The following CHL1 variants were observed in gnomAD, a reference collection of about 807,000 sequenced individuals.
CHL1 encodes neural cell adhesion molecule L1-like protein.
Under a neutral mutation model 141.9 loss-of-function variants are expected in CHL1, and 96 were observed. The observed-to-expected ratio is 0.68, with a 90% confidence interval of 0.57 to 0.80. The LOEUF is 0.80. Among genes scored for constraint, CHL1 ranks in the 30% least tolerant of loss-of-function variants. The probability of loss-of-function intolerance (pLI) is 0.00; values close to 1 mark genes in which losing one functional copy is unlikely to be tolerated. For synonymous variants in CHL1, 613 were observed against 502.2 expected, an observed-to-expected ratio of 1.22 and a Z score of -2.95; for missense variants, 1,820 against 1,457.2, an observed-to-expected ratio of 1.25 and a Z score of -4.05.
chr3:201,289 A>G (rs1575589673), intron 1 of CHL1, among the ~76,000 whole-genome samples: 1 of 152,214 alleles, frequency 6.6e-6, no homozygotes, highest in African/African-American at 2.4e-5. Flanking sequence ...AATAGACCAT[A>G]ACTAATTGAG....
intron 15 of CHL1, among the ~76,000 whole-genome samples, chr3:372,249 G>A (rs1047611581): frequency 1.3e-5 from 2 of 152,118 alleles, no homozygotes; most frequent in African/African-American, 4.8e-5. Flanking sequence ...ACTCCAACCA[G>A]TTGCAGGTTC....
chr3:252,402 T>TATATATATATATA (rs1553596197), intron 2 of CHL1, among the ~76,000 whole-genome samples: 2 of 54,170 alleles, frequency 3.7e-5, no homozygotes, highest in African/African-American at 6.5e-5. Flanking sequence ...ATATATATAT[T>TATATATATATATA]TCTATTTTGG....
intron 1 of CHL1, among the ~76,000 whole-genome samples, chr3:198,297 G>A (rs1363992873): frequency 6.6e-6 from 1 of 152,016 alleles, no homozygotes; most frequent in Non-Finnish European, 1.5e-5. Context: ...CGTGGGAGCC[G>A]CGGAGCAGCC....
chr3:401,786 A>G, intron 27 of CHL1, 88 bp downstream of exon 27: 1 of 749,930 alleles, frequency 1.3e-6, no homozygotes. Flanking sequence ...TCTTAATAAA[A>G]AGGTTACATA....
chr3:268,184 A>T (rs1452147033), intron 2 of CHL1, among the ~76,000 whole-genome samples: 3 of 152,358 alleles, frequency 2.0e-5, no homozygotes, highest in Non-Finnish European at 2.9e-5. Flanking sequence ...GGGTAAAATA[A>T]TTTGGAATAA....
intron 16 of CHL1, among the ~76,000 whole-genome samples, chr3:380,912 A>C (rs976299372): frequency 2.0e-5 from 3 of 152,224 alleles, no homozygotes; most frequent in Non-Finnish European, 4.4e-5. Flanking sequence ...TGCAAAGCTT[A>C]ATAAAATATG....
intron 6 of CHL1, 36 bp downstream of exon 6, chr3:340,952 A>G (rs1410717441): frequency 1.9e-6 from 3 of 1,580,698 alleles, no homozygotes; most frequent in African/African-American, 2.7e-5. Context: ...AAAGGGGGAC[A>G]TTTTAATTCT....
intron 2 of CHL1, among the ~76,000 whole-genome samples, chr3:289,302 C>T (rs1228583272): frequency 6.6e-6 from 1 of 152,162 alleles, no homozygotes; most frequent in East Asian, 1.9e-4. Context: ...TGTGCTCAAA[C>T]TTACCGATAA....
intron 2 of CHL1, chr3:247,321 A>G (rs546005182): frequency 6.6e-6 from 1 of 151,972 alleles, no homozygotes; most frequent in Non-Finnish European, 1.5e-5. Context: ...CACAAATGCA[A>G]TTTGCTTGAC....
intron 1 of CHL1, among the ~76,000 whole-genome samples, chr3:236,326 C>T (rs1012305515): frequency 6.6e-6 from 1 of 152,142 alleles, no homozygotes; most frequent in Non-Finnish European, 1.5e-5. Context: ...GTGCTACATG[C>T]TGGAGCTGGA....
chr3:296,497 G>C (rs138102166), intron 2 of CHL1, among the ~76,000 whole-genome samples: 1 of 151,842 alleles, frequency 6.6e-6, no homozygotes, highest in Non-Finnish European at 1.5e-5. Flanking sequence ...CATGAATTTA[G>C]AACCACGGTC....
At chr3:206,863 C>A (rs1699485561) in intron 1 of CHL1, among the ~76,000 whole-genome samples, 1 of 152,172 alleles carries the variant, frequency 6.6e-6, no homozygotes, top group Non-Finnish European at 1.5e-5. Context: ...CATGGATTTC[C>A]CTCACTTCTG....
At chr3:360,678 G>A (rs1200773269) in intron 12 of CHL1, among the ~76,000 whole-genome samples, 1 of 149,542 alleles carries the variant, frequency 6.7e-6, no homozygotes, top group Non-Finnish European at 1.5e-5. Flanking sequence ...CCATGCTGGT[G>A]CGCTGCACCC....
intron 2 of CHL1, among the ~76,000 whole-genome samples, chr3:261,228 A>G (rs532784890): frequency 1.3e-5 from 2 of 152,228 alleles, no homozygotes; most frequent in Admixed American, 6.5e-5. Context: ...GTTTAGCATC[A>G]TGTTTACTAA....
intron 2 of CHL1, among the ~76,000 whole-genome samples, chr3:315,126 A>G (rs892019794): frequency 6.6e-6 from 1 of 152,180 alleles, no homozygotes; most frequent in Non-Finnish European, 1.5e-5. Flanking sequence ...GCCACTATCA[A>G]CACAATGATC....
intron 2 of CHL1, among the ~76,000 whole-genome samples, chr3:317,736 T>C (rs372802028): frequency 2.0e-5 from 3 of 151,712 alleles, no homozygotes; most frequent in East Asian, 1.9e-4. Flanking sequence ...TAATAATAGC[T>C]ACATGGTTTA....
intron 2 of CHL1, among the ~76,000 whole-genome samples, chr3:268,559 A>G (rs925445279): frequency 2.0e-5 from 3 of 150,686 alleles, no homozygotes; most frequent in Admixed American, 6.6e-5. Flanking sequence ...AAGTAAAATA[A>G]AATAAAATAA....
chr3:351,171 C>G (rs951349453), intron 10 of CHL1, among the ~76,000 whole-genome samples: 5 of 152,090 alleles, frequency 3.3e-5, no homozygotes, highest in Admixed American at 3.3e-4. Context: ...AAAAGAATTG[C>G]AAGGGTTGCA....
At chr3:308,663 T>C (rs1459045171) in intron 2 of CHL1, 1 of 150,902 alleles carries the variant, frequency 6.6e-6, no homozygotes, top group Non-Finnish European at 1.5e-5. Context: ...ATATATATAC[T>C]AGAATGATAA....
Sources: allele counts gnomAD v4.1 joint callset (sites outside exome capture counted in the v4.1 genomes callset), GRCh38; gene constraint gnomAD v4.1.1; transcripts MANE v1.5; gene names NCBI Gene and HGNC (gene_info 2026-07-23, HGNC 2026-07-21).